POLQ: variants seen among roughly 807,000 people sequenced by gnomAD.
The protein encoded by POLQ is DNA polymerase theta, also known as epididymis secretory sperm binding protein.
POLQ carries 233 observed loss-of-function variants against 259.2 expected under a neutral mutation model. The ratio of observed to expected loss-of-function variants is 0.90; its 90% confidence interval spans 0.81 to 1.00. POLQ has a LOEUF of 1.00. Among genes scored for constraint, POLQ ranks in the 50% least tolerant of loss-of-function variants. The pLI is 0.00. For synonymous variants in POLQ, 1,025 were observed against 1,048.8 expected, an observed-to-expected ratio of 0.98 and a Z score of 0.44; for missense variants, 2,871 against 3,051.6, an observed-to-expected ratio of 0.94 and a Z score of 1.39.
intron 5 of POLQ, among the ~76,000 whole-genome samples, chr3:121,534,256 T>C (rs1172818590): frequency 6.6e-6 from 1 of 151,962 alleles, no homozygotes; most frequent in African/African-American, 2.4e-5. Flanking sequence ...AATTTTTAAA[T>C]GTCTGGATAG....
chr3:121,476,072 G>A (rs143112578), intron 20 of POLQ, among the ~76,000 whole-genome samples: 7 of 152,234 alleles, frequency 4.6e-5, no homozygotes, highest in Non-Finnish European at 8.8e-5. Context: ...ATAAGTGGAA[G>A]CTAAATGATG....
chr3:121,521,106 G>T (rs1303640483), intron 8 of POLQ, among the ~76,000 whole-genome samples: 1 of 152,028 alleles, frequency 6.6e-6, no homozygotes, highest in Non-Finnish European at 1.5e-5. Flanking sequence ...CCCATCTGTG[G>T]TTTTGCTTTC....
At chr3:121,454,864 G>A (rs552568693) in intron 25 of POLQ, among the ~76,000 whole-genome samples, 6 of 152,262 alleles carry the variant, frequency 3.9e-5, no homozygotes, top group African/African-American at 1.4e-4. Flanking sequence ...ATTGAACTCA[G>A]CTCTGCACCA....
At chr3:121,455,122 C>T (rs879920822) in intron 25 of POLQ, among the ~76,000 whole-genome samples, 2 of 150,514 alleles carry the variant, frequency 1.3e-5, no homozygotes, top group African/African-American at 2.5e-5. Context: ...CAACCTGCTC[C>T]TGAATGACTA....
Position 121,472,003 on chromosome 3 carries a change from C to T in POLQ, c.6705G>A (p.Ser2235=), listed in dbSNP as rs779273388. The T allele has an allele frequency of 1.1e-5, 16 of 1,512,766 alleles. No homozygotes were observed. Among genetic ancestry groups the T allele is most frequent in the Middle Eastern group, 1.8e-4 (1 of 5,674 alleles). The allele number at this position is 1,512,766 out of a possible 1,614,324, so 93.7% of individuals were successfully genotyped here. The change falls in exon 22 of 30, where the codon TCG becomes TCA. Residue 2235 remains serine (S), a synonymous_variant. Coordinates refer to ENST00000264233, the MANE Select transcript of POLQ (RefSeq NM_199420.4). ...ATTTCTCATCACCTGTAGCAGTGTGCGACTGTGATACAGGATAGATTCTTT... is the reference window on the plus strand; with the variant it reads ...ATTTCTCATCACCTGTAGCAGTGTGTGACTGTGATACAGGATAGATTCTTT... ...GMERIYPVSQ[S]HTATGRITFT...
At chr3:121,436,040 A>G (rs765476287) in intron 28 of POLQ, 82 bp downstream of exon 28, 5 of 1,159,500 alleles carry the variant, frequency 4.3e-6, no homozygotes, top group Non-Finnish European at 6.2e-6. Flanking sequence ...GTTGAGAAAT[A>G]AAATAAAAAA....
At chr3:121,455,946 C>A (rs546231448) in intron 25 of POLQ, among the ~76,000 whole-genome samples, 137 of 152,246 alleles carry the variant, frequency 9.0e-4, no homozygotes, top group African/African-American at 3.3e-3. Context: ...GAATTTTAGT[C>A]CAAAGTCCTT....
At chr3:121,432,888 A>G (rs1346335784) in intron 29 of POLQ, 30 bp downstream of exon 29, 3 of 1,237,174 alleles carry the variant, frequency 2.4e-6, no homozygotes, top group Admixed American at 1.7e-5. Flanking sequence ...TTGTCTTCCT[A>G]TGGAATGGAC....
chr3:121,478,449 G>A (rs1254795958), intron 19 of POLQ, among the ~76,000 whole-genome samples: 1 of 151,928 alleles, frequency 6.6e-6, no homozygotes, highest in Non-Finnish European at 1.5e-5. Context: ...GCACAACTGT[G>A]AATGAACTAC....
chr3:121,432,717 G>A (rs1267020894), intron 29 of POLQ, among the ~76,000 whole-genome samples: 4 of 152,118 alleles, frequency 2.6e-5, no homozygotes, highest in African/African-American at 9.7e-5. Context: ...ATCTTGCATT[G>A]GCAATTCTTC....
intron 7 of POLQ, among the ~76,000 whole-genome samples, chr3:121,527,315 T>A (rs1251172991): frequency 6.6e-6 from 1 of 152,024 alleles, no homozygotes; most frequent in Non-Finnish European, 1.5e-5. Context: ...GCCCACCTCA[T>A]CCTCCCAAAG....
chr3:121,477,156 A>G (rs2047934184), intron 19 of POLQ, among the ~76,000 whole-genome samples: 1 of 152,214 alleles, frequency 6.6e-6, no homozygotes, highest in South Asian at 2.1e-4. Flanking sequence ...GACAGGGCAC[A>G]GTCAAAACAC....
intron 19 of POLQ, among the ~76,000 whole-genome samples, chr3:121,479,499 A>G (rs2047954703): frequency 6.6e-6 from 1 of 152,098 alleles, no homozygotes; most frequent in South Asian, 2.1e-4. Context: ...TCCTCACTCT[A>G]TTGCCCAGAC....
rs147092481 is a variant in POLQ, at chr3:121,488,305, T to C, written c.4626A>G (p.Gln1542=). The C allele has an allele frequency of 1.2e-5, 19 of 1,612,440 alleles. No individual in the cohort carries two copies. The highest frequency in any genetic ancestry group is 3.3e-5 in the Admixed American group (2 of 59,798). Residue 1542 remains glutamine, a synonymous_variant, in exon 16 of 30, where the codon CAA becomes CAG. Coordinates refer to ENST00000264233, the MANE Select transcript of POLQ (RefSeq NM_199420.4). The part of the protein sequence containing the change: ...LIKKSNVNEN[Q]DTHQQLTCSN... ...AACAAGTCAACTGCTGGTGGGTATC[T>C]TGATTCTCATTTACATTTGATTTTT... is the stretch of plus-strand genomic sequence containing the variant.
intron 5 of POLQ, among the ~76,000 whole-genome samples, chr3:121,533,523 T>C (rs898713112): frequency 2.0e-5 from 3 of 152,186 alleles, no homozygotes; most frequent in East Asian, 3.9e-4. Context: ...GTGGTAGTAT[T>C]TCTTTTTTTT....
At chr3:121,484,379 C>T (rs1425523547) in intron 17 of POLQ, among the ~76,000 whole-genome samples, 1 of 152,130 alleles carries the variant, frequency 6.6e-6, no homozygotes. Flanking sequence ...GTTTCAGACC[C>T]ATTCAATGGT....
intron 14 of POLQ, 57 bp from the exon 15 acceptor site, chr3:121,493,778 ATTTCT>A: frequency 6.8e-7 from 1 of 1,468,748 alleles, no homozygotes. Context: ...CGAATTCTCC[ATTTCT>A]TTAGATGTAT....
At chr3:121,456,823 G>T (rs2047743174) in intron 25 of POLQ, among the ~76,000 whole-genome samples, 1 of 152,178 alleles carries the variant, frequency 6.6e-6, no homozygotes, top group Non-Finnish European at 1.5e-5. Context: ...GTAATTTGTA[G>T]ATTCAATGCC....
chr3:121,451,182 C>T (rs546808154), intron 25 of POLQ, among the ~76,000 whole-genome samples: 35 of 152,266 alleles, frequency 2.3e-4, no homozygotes, highest in African/African-American at 8.2e-4. Context: ...TCTAGTTAGC[C>T]ATTCGTCTAA....
Sources: gnomAD v4.1 joint callset for allele counts (sites outside exome capture counted in the v4.1 genomes callset) on GRCh38, gnomAD v4.1.1 for gene constraint, MANE v1.5 for transcripts, NCBI Gene and HGNC (gene_info 2026-07-23, HGNC 2026-07-21) for gene names.